The following POMZP3 variants were observed in gnomAD, a reference collection of about 807,000 sequenced individuals.
POMZP3 encodes the protein POM121 and ZP3 fusion protein.
In POMZP3, 10 loss-of-function variants were observed where a neutral mutation model predicts 19.8. That is an observed-to-expected ratio of 0.51 (90% confidence interval 0.31 to 0.86). POMZP3 has a LOEUF of 0.86. Ranked by LOEUF, POMZP3 falls within the 40% of genes least tolerant of loss-of-function variation. POMZP3 has a pLI of 0.04. For missense variants in POMZP3, 152 were observed against 228.1 expected (o/e 0.67, Z 2.15); for synonymous variants, 57 against 85.8 (o/e 0.66, Z 1.85).
chr7:76,621,036 T>G (rs1815531581), intron 3 of POMZP3: 1 of 132,550 alleles, frequency 7.5e-6, no homozygotes, highest in African/African-American at 3.8e-5. Context: ...GTCCGGCTAA[T>G]TTTTTTTTTT....
intron 1 of POMZP3, 118 bp from the exon 2 acceptor site, chr7:76,626,333 A>G: frequency 9.9e-7 from 1 of 1,011,628 alleles, no homozygotes; most frequent in Non-Finnish European, 1.4e-6. Flanking sequence ...CTTTCTACGC[A>G]ACACAGAACA....
chr7:76,624,705 C>CA, intron 3 of POMZP3, among the ~76,000 whole-genome samples: 1 of 150,612 alleles, frequency 6.6e-6, no homozygotes, highest in Middle Eastern at 3.4e-3. Flanking sequence ...CTGGGCCTCT[C>CA]AAGGTGCTGG....
intron 3 of POMZP3, among the ~76,000 whole-genome samples, chr7:76,625,296 C>A (rs963087375): frequency 2.6e-5 from 4 of 150,998 alleles, no homozygotes; most frequent in Non-Finnish European, 5.9e-5. Flanking sequence ...GTCAGCTTAT[C>A]TCTGCTACTC....
intron 3 of POMZP3, among the ~76,000 whole-genome samples, chr7:76,624,346 C>T (rs866113041): frequency 3.2e-4 from 49 of 151,286 alleles, no homozygotes; most frequent in Non-Finnish European, 2.5e-4. Context: ...GTCAGGAGTT[C>T]GAGACCAGCC....
intron 3 of POMZP3, among the ~76,000 whole-genome samples, chr7:76,623,073 T>C (rs1815661128): frequency 6.6e-6 from 1 of 151,784 alleles, no homozygotes; most frequent in Non-Finnish European, 1.5e-5. Context: ...AGTTGCACTA[T>C]GTTGGCCAGG....
At chr7:76,623,169 G>A (rs1815668171) in intron 3 of POMZP3, among the ~76,000 whole-genome samples, 1 of 147,442 alleles carries the variant, frequency 6.8e-6, no homozygotes, top group South Asian at 2.2e-4. Flanking sequence ...ACCGCACCCA[G>A]CCCAAATTGA....
rs2690678 is a variant in POMZP3, at chr7:76,619,024, G to A, written c.228-724C>T. Among the ~76,000 whole-genome samples the A allele has an allele frequency of 6.6e-3, 1,007 of 152,164 alleles. 7 individuals are homozygous for A. Among genetic ancestry groups the A allele is most frequent in the East Asian group, 0.017 (88 of 5,146 alleles). ...GTTGGTCTCAAACTCCTGGGCTCAC[G>A]CATTCCTCTTGTCTCAGCCTCCTAA... On this transcript the variant is annotated intron_variant, in intron 3 of 6. Coordinates refer to ENST00000310842, the MANE Select transcript of POMZP3 (RefSeq NM_012230.5).
chr7:76,611,235 A>G (rs1258992886), intron 6 of POMZP3, among the ~76,000 whole-genome samples: 1 of 151,818 alleles, frequency 6.6e-6, no homozygotes, highest in African/African-American at 2.4e-5. Flanking sequence ...GTAGAAGCCT[A>G]GGATGACAGC....
chr7:76,620,650 T>C (rs1815502454), intron 3 of POMZP3, among the ~76,000 whole-genome samples: 1 of 151,718 alleles, frequency 6.6e-6, no homozygotes, highest in African/African-American at 2.4e-5. Flanking sequence ...GTATTTTTAG[T>C]AGAGATGGGG....
chr7:76,611,065 G>C (rs1330207242), intron 6 of POMZP3, among the ~76,000 whole-genome samples: 2 of 142,656 alleles, frequency 1.4e-5, no homozygotes, highest in African/African-American at 5.4e-5. Flanking sequence ...GTAGAGATGG[G>C]GTTTCTCCAT....
intron 3 of POMZP3, among the ~76,000 whole-genome samples, chr7:76,620,278 A>G (rs1164161786): frequency 2.5e-5 from 2 of 79,698 alleles, no homozygotes; most frequent in Admixed American, 2.4e-4. Context: ...TAGTGAGCCG[A>G]GATTGCACCA....
intron 3 of POMZP3, among the ~76,000 whole-genome samples, chr7:76,625,053 A>T (rs545470890): frequency 1.3e-5 from 2 of 148,496 alleles, no homozygotes; most frequent in Admixed American, 1.4e-4. Flanking sequence ...GAATGGCATG[A>T]ACCTGGGAGG....
chr7:76,610,541 A>G (rs1034554743), intron 6 of POMZP3, among the ~76,000 whole-genome samples: 1 of 151,830 alleles, frequency 6.6e-6, no homozygotes, highest in Non-Finnish European at 1.5e-5. Flanking sequence ...AGTCTCAGCT[A>G]CTTGGGAGGC....
chr7:76,617,033 A>C (rs1815312941), intron 4 of POMZP3, among the ~76,000 whole-genome samples: 1 of 95,240 alleles, frequency 1.0e-5, no homozygotes, highest in African/African-American at 4.3e-5. Flanking sequence ...GGTGGCGGGT[A>C]CCTGTACTCC....
At chr7:76,616,243 A>G (rs916956346) in intron 4 of POMZP3, among the ~76,000 whole-genome samples, 10 of 129,594 alleles carry the variant, frequency 7.7e-5, no homozygotes, top group African/African-American at 3.0e-4. Context: ...AGACCGCACC[A>G]TTGCATTCCA....
At chr7:76,622,644 G>A (rs1620198) in intron 3 of POMZP3, among the ~76,000 whole-genome samples, 58,756 of 151,074 alleles carry the variant, frequency 0.39, 12,132 homozygotes, top group Middle Eastern at 0.54. Flanking sequence ...GATTACAGGC[G>A]TGAGCCACTG....
At position 76,613,436 on chromosome 7, in the gene POMZP3, C is replaced by T. The variant is rs904429188; in HGVS notation, c.346-1623G>A. ...CGAGGGAATGAACCCAATATGAGCT[C>T]CTGCTGGGAGCTGAAGGACCCCCCC... is the stretch of plus-strand genomic sequence containing the variant. On this transcript the variant is annotated intron_variant, in intron 4 of 6. Transcript: ENST00000310842. Among the ~76,000 whole-genome samples the T allele has an allele frequency of 4.5e-5, 6 of 132,480 alleles. 1 individual carries two copies. The highest frequency in any genetic ancestry group is 1.6e-4 in the African/African-American group (6 of 37,860). The allele number at this position is 132,480 out of a possible 152,430, so 86.9% of individuals were successfully genotyped here.
intron 3 of POMZP3, chr7:76,621,490 G>C (rs938868740): frequency 6.6e-6 from 1 of 151,118 alleles, no homozygotes; most frequent in African/African-American, 2.4e-5. Flanking sequence ...TGTCAGAGGC[G>C]GGTGAACCAG....
At chr7:76,622,710 C>G (rs1815637617) in intron 3 of POMZP3, among the ~76,000 whole-genome samples, 2 of 151,798 alleles carry the variant, frequency 1.3e-5, no homozygotes, top group East Asian at 1.9e-4. Flanking sequence ...AGGTCTCACT[C>G]TGTTGTCCAG....
Sources: gnomAD v4.1 joint callset for allele counts (sites outside exome capture counted in the v4.1 genomes callset) on GRCh38, gnomAD v4.1.1 for gene constraint, MANE v1.5 for transcripts, NCBI Gene and HGNC (gene_info 2026-07-23, HGNC 2026-07-21) for gene names.